MZF1: variants seen among roughly 807,000 people sequenced by gnomAD.
MZF1 encodes the protein zinc finger and SCAN domain-containing protein 6.
Under a neutral mutation model 28.6 loss-of-function variants are expected in MZF1, and 24 were observed. The ratio of observed to expected loss-of-function variants is 0.84; its 90% CI spans 0.61 to 1.18. The LOEUF (loss-of-function observed/expected upper bound fraction) is 1.18, where lower values mean the gene tolerates loss of function less well. Ranked by LOEUF, MZF1 falls within the 50% of genes most tolerant of loss-of-function variation. MZF1 has a pLI of 0.00. For synonymous variants in MZF1, 516 were observed against 432.5 expected (o/e 1.19, Z -2.40); for missense variants, 1,166 against 1,026.4 (o/e 1.14, Z -1.86).
intron 5 of MZF1, among the ~76,000 whole-genome samples, chr19:58,565,238 G>A (rs2054024765): frequency 6.6e-6 from 1 of 151,896 alleles, no homozygotes; most frequent in South Asian, 2.1e-4. Flanking sequence ...GGGATTACAG[G>A]CATGCACCAC....
In MZF1 at chr19:58,564,898, G is replaced by GTTTTTTTTTTTTTT. The variant is rs1600099960; in HGVS notation, c.773-1395_773-1394insAAAAAAAAAAAAAA. ...CAGGGTGGAGAATAAGCATCCATGT[G>GTTTTTTTTTTTTTT]TGTGTTTTTTTTTTTTTTTTTTTTT... On this transcript the variant is annotated intron_variant, in intron 5 of 5. Coordinates refer to ENST00000215057, the MANE Select transcript of MZF1 (RefSeq NM_198055.2). Among the ~76,000 whole-genome samples, 79 of 91,946 alleles carry GTTTTTTTTTTTTTT rather than the reference G, an allele frequency of 8.6e-4. 16 individuals carry two copies. Among genetic ancestry groups the GTTTTTTTTTTTTTT allele is most frequent in the African/African-American group, 3.9e-3 (74 of 18,946 alleles). 60.3% of individuals were successfully genotyped at this position (91,946 alleles called of 152,430 possible).
At chr19:58,563,619 G>T in intron 5 of MZF1, 115 bp from the exon 6 acceptor site, 1 of 802,050 alleles carries the variant, frequency 1.2e-6, no homozygotes, top group Non-Finnish European at 1.9e-6. Flanking sequence ...CAAAGAGGCA[G>T]ACGGAGGCGA....
rs1276167522 is a variant in MZF1 at position 58,564,401 on chromosome 19, C to T, written c.773-897G>A. Reference sequence around the variant, plus strand: ...CCACAGGCAAAAGGCTAATTAACCTCCTAAGTAAAGAGCTACAATAAATCA... The same window carrying T: ...CCACAGGCAAAAGGCTAATTAACCTTCTAAGTAAAGAGCTACAATAAATCA... On this transcript the variant is annotated intron_variant, in intron 5 of 5. Transcript: ENST00000215057. The T allele has an allele frequency of 3.3e-5, 5 of 152,160 alleles. No individual in the cohort carries two copies. The East Asian group carries it at 7.7e-4, about 23-fold the overall frequency. 9.4% of individuals were successfully genotyped at this position (152,160 alleles called of 1,614,324 possible). A position where few individuals can be genotyped will look rare whatever the true frequency, so the allele number is the denominator to read the frequency against.
chr19:58,571,051 C>T lies in MZF1; in HGVS notation c.339G>A (p.Glu113=), dbSNP rs755200806. The T allele has an allele frequency of 2.7e-5, 43 of 1,612,908 alleles. No individual in the cohort carries two copies. In the Admixed American group the frequency reaches 2.8e-4, roughly 11 times the overall value. ...GCCCATCTACTAGGGCAGCAGCCTC[C>T]TCGGGGCTGCCTGGCCGCTGCCCCT... ...RVQGQRPGSP[E]EAAALVDGLR... is the part of the protein sequence containing the mutation. The change falls in exon 2 of 6, where the codon GAG becomes GAA. Residue 113 remains glutamate (E), a synonymous_variant. Transcript: ENST00000215057.
chr19:58,563,057 G>A lies in MZF1; in HGVS notation c.1220C>T (p.Thr407Ile), dbSNP rs766615077. 3.1e-6 allele frequency: 5 copies of A among 1,602,962 alleles called. No homozygotes were observed. In the South Asian group the frequency reaches 5.5e-5, roughly 18 times the overall value. ...SHLLRHQLTH[T>I]EERPFVCGDC... is the part of the protein sequence containing the mutation. ...GCCGCACACGAACGGCCGCTCCTCG[G>A]TGTGCGTAAGCTGGTGGCGCAGCAG... The change falls in exon 6 of 6, where the codon ACC becomes ATC. Residue 407 changes from threonine (T) to isoleucine (I), a missense_variant. Transcript: ENST00000215057.
rs146251309 is a variant in MZF1, at chr19:58,563,240, G to A, written c.1037C>T (p.Pro346Leu). 166 of 1,608,734 alleles carry A rather than the reference G, an allele frequency of 1.0e-4. No homozygotes were observed. The highest frequency in any genetic ancestry group is 3.3e-4 in the Middle Eastern group (2 of 6,044). ...RSPRGRSRGR[P>L]STGGGVVRGG... is the part of the protein sequence containing the mutation. ...CCTAACCACCCCGCCCCCAGTGCTG[G>A]GGCGGCCCCGGCTCCGGCCCCTGGG... Residue 346 changes from proline to leucine, a missense_variant, in exon 6 of 6, where the codon CCC becomes CTC. Transcript: ENST00000215057.
At chr19:58,572,811 C>T in intron 1 of MZF1, 1 of 368,196 alleles carries the variant, frequency 2.7e-6, no homozygotes, top group Non-Finnish European at 5.2e-6. Flanking sequence ...AACTTCCGCT[C>T]CAGGGTGCCA....
rs777121998 is a variant in MZF1 at position 58,562,399 on chromosome 19, G to C, written c.1878C>G (p.His626Gln). The C allele has an allele frequency of 4.3e-6, 7 of 1,609,570 alleles. No homozygotes were observed. In the Admixed American group the frequency reaches 1.2e-4, roughly 27 times the overall value. The change falls in exon 6 of 6, where the codon CAC becomes CAG. Residue 626 changes from histidine (H) to glutamine (Q), a missense_variant. His to Gln is a conservative substitution (Grantham distance 24). Transcript: ENST00000215057. The stretch of plus-strand genomic sequence containing the variant: ...TGAAGCCCAGGCCGCACTCACCGCA[G>C]TGGTAGGGCTTTTCGCCGGTGTGTG... The part of the protein sequence containing the change: ...QRTHTGEKPY[H>Q]CGECGLGFTQ...
chr19:58,571,345 T>C lies in MZF1; in HGVS notation c.45A>G (p.Glu15=). 1 of 1,614,176 alleles carries C rather than the reference T, an allele frequency of 6.2e-7. No homozygotes were observed. The highest frequency in any genetic ancestry group is 8.5e-7 in the Non-Finnish European group (1 of 1,180,022). ...GCTTCACCATGACAGGCCCCTCATC[T>C]TCTGGGGGTGCTCGGTCTGGGGAGC... ...VLGSPDRAPP[E]DEGPVMVKLE... Residue 15 remains glutamate, a synonymous_variant, in exon 2 of 6, where the codon GAA becomes GAG. Transcript: ENST00000215057.
intron 1 of MZF1, 23 bp from the exon 2 acceptor site, chr19:58,571,452 C>G (rs1457115077): frequency 2.5e-6 from 4 of 1,592,780 alleles, no homozygotes; most frequent in Non-Finnish European, 3.4e-6. Flanking sequence ...TAGGATGAGG[C>G]TGTTGCAAAA....
chr19:58,571,169 C>T lies in MZF1; in HGVS notation c.221G>A (p.Arg74His), dbSNP rs759875440. 2.4e-5 allele frequency: 39 copies of T among 1,613,742 alleles called. No individual in the cohort carries two copies. In the Middle Eastern group the frequency reaches 1.6e-3, roughly 68 times the overall value. ...QLRELCRQWL[R>H]PEVRSKEQML... ...CTGCTCCTTGGAGCGTACCTCTGGA[C>T]GCAGCCACTGGCGACACAGCTCTCG... The change falls in exon 2 of 6, where the codon CGT (arginine) becomes CAT (histidine). Residue 74 changes from arginine (R) to histidine (H), a missense_variant. Arg to His is a conservative substitution (Grantham distance 29). Coordinates refer to ENST00000215057, the MANE Select transcript of MZF1 (RefSeq NM_198055.2).
rs536663646 is a variant in MZF1 at position 58,562,509 on chromosome 19, C to T, written c.1768G>A (p.Val590Ile). The part of the protein sequence containing the change: ...QRPTLTQHLR[V>I]HTGEKPFACP... ...GCAAAGGGTTTCTCGCCCGTGTGTA[C>T]GCGGAGATGCTGCGTGAGCGTAGGC... is the stretch of plus-strand genomic sequence containing the variant. Residue 590 changes from valine (V) to isoleucine (I), a missense_variant, in exon 6 of 6, where the codon GTA becomes ATA. Coordinates refer to ENST00000215057, the MANE Select transcript of MZF1 (RefSeq NM_198055.2). 6 of 1,581,414 alleles carry T rather than the reference C, an allele frequency of 3.8e-6. No individual in the cohort carries two copies. Among genetic ancestry groups the T allele is most frequent in the Non-Finnish European group, 5.1e-6 (6 of 1,168,886 alleles).
intron 5 of MZF1, among the ~76,000 whole-genome samples, chr19:58,566,905 C>CT (rs11403633): frequency 0.51 from 73,741 of 145,542 alleles, 18,622 homozygotes; most frequent in East Asian, 0.61. Context: ...TCCCAAGACT[C>CT]TTTTTTTTTT....
At chr19:58,570,158 G>A (rs1332382268) in intron 3 of MZF1, 186 bp downstream of exon 3, 2 of 595,066 alleles carry the variant, frequency 3.4e-6, no homozygotes, top group Non-Finnish European at 5.8e-6. Flanking sequence ...GGTGTGTGAG[G>A]GGTAGTGACA....
intron 5 of MZF1, chr19:58,563,715 G>C: frequency 2.0e-6 from 1 of 496,982 alleles, no homozygotes; most frequent in Non-Finnish European, 3.5e-6. Flanking sequence ...AGGAAGACTG[G>C]GCTATGTGAA....
intron 2 of MZF1, chr19:58,570,776 C>A: frequency 1.5e-6 from 1 of 653,432 alleles, no homozygotes; most frequent in Non-Finnish European, 2.6e-6. Context: ...GCCTGCAGCT[C>A]CTATGTCCAC....
intron 5 of MZF1, among the ~76,000 whole-genome samples, chr19:58,566,434 C>T (rs1450920916): frequency 2.6e-5 from 4 of 150,970 alleles, no homozygotes; most frequent in African/African-American, 7.3e-5. Context: ...GCAACAAGAG[C>T]GAAATTCCAT....
rs756765711 is a variant in MZF1, at chr19:58,562,613, T to C, written c.1664A>G (p.Asn555Ser). 6.4e-6 allele frequency: 10 copies of C among 1,574,516 alleles called. No homozygotes were observed. The Admixed American group carries it at 1.7e-4, about 26-fold the overall frequency. Residue 555 changes from asparagine (N) to serine (S), a missense_variant, in exon 6 of 6, where the codon AAC becomes AGC. Transcript: ENST00000215057. Reference protein sequence around the residue: ...ECGQSFRQRSNLTQHRRIHTG... With the variant: ...ECGQSFRQRSSLTQHRRIHTG... ...GTGGATGCGCCGGTGCTGCGTCAGG[T>C]TGGAGCGCTGCCGGAAGCTCTGGCC...
At position 58,570,128 on chromosome 19, in the gene MZF1, G is replaced by A. The variant is rs1270991393; in HGVS notation, c.580+216C>T. On this transcript the variant is annotated intron_variant, in intron 3 of 5. Transcript: ENST00000215057. ...CCATGCCATGGGGTTCGTGGGTACAGGGCTGTGGCAGTCAGGCTTGGTGTG... is the reference window on the plus strand; with the variant it reads ...CCATGCCATGGGGTTCGTGGGTACAAGGCTGTGGCAGTCAGGCTTGGTGTG... 8 of 535,516 alleles carry A rather than the reference G, an allele frequency of 1.5e-5. No individual in the cohort carries two copies. The Admixed American group carries it at 2.7e-4, about 18-fold the overall frequency. The allele number at this position is 535,516 out of a possible 1,614,324, so 33.2% of individuals were successfully genotyped here. A position where few individuals can be genotyped will look rare whatever the true frequency, so the allele number is the denominator to read the frequency against.
Sources: gnomAD v4.1 joint callset for allele counts (sites outside exome capture counted in the v4.1 genomes callset) on GRCh38, gnomAD v4.1.1 for gene constraint, MANE v1.5 for transcripts, NCBI Gene and HGNC (gene_info 2026-07-23, HGNC 2026-07-21) for gene names.